SULT2B1: variants seen among roughly 807,000 people sequenced by gnomAD.
SULT2B1 encodes sulfotransferase family 2B member 1, also known as sulfotransferase 2B1.
A neutral mutation model predicts 33.2 loss-of-function variants in SULT2B1; 16 were observed. That is an observed-to-expected ratio of 0.48 (90% CI 0.33 to 0.73). The LOEUF (loss-of-function observed/expected upper bound fraction) is 0.73, where lower values mean the gene tolerates loss of function less well. SULT2B1 is among the 30% of genes least tolerant of loss of function. SULT2B1 has a pLI of 0.02. For missense variants in SULT2B1, 500 were observed against 506.0 expected, an observed-to-expected ratio of 0.99 and a Z score of 0.11; for synonymous variants, 186 against 200.5, an observed-to-expected ratio of 0.93 and a Z score of 0.61.
At chr19:48,566,622 G>T (rs1973246060) in intron 1 of SULT2B1, among the ~76,000 whole-genome samples, 2 of 152,078 alleles carry the variant, frequency 1.3e-5, no homozygotes, top group East Asian at 1.9e-4. Flanking sequence ...CGGGTGGATT[G>T]CTTGAGCTCG....
chr19:48,582,814 G>A (rs902027490), intron 2 of SULT2B1, among the ~76,000 whole-genome samples: 1 of 151,710 alleles, frequency 6.6e-6, no homozygotes, highest in Non-Finnish European at 1.5e-5. Flanking sequence ...ATGCACTCCA[G>A]TCTGGGCAAC....
intron 2 of SULT2B1, among the ~76,000 whole-genome samples, chr19:48,579,605 C>CTTTTTTTCTT (rs1973458627): frequency 1.3e-5 from 1 of 79,734 alleles, no homozygotes; most frequent in African/African-American, 5.0e-5. Context: ...TTCTTTCTTT[C>CTTTTTTTCTT]TTTTTTTTTT....
chr19:48,576,556 G>C (rs1193113079), intron 2 of SULT2B1, among the ~76,000 whole-genome samples: 1 of 149,304 alleles, frequency 6.7e-6, no homozygotes, highest in Non-Finnish European at 1.5e-5. Context: ...GGGGTGCAGT[G>C]GTGCAATATC....
intron 1 of SULT2B1, among the ~76,000 whole-genome samples, chr19:48,559,647 G>A (rs1813814895): frequency 6.6e-6 from 1 of 152,222 alleles, no homozygotes; most frequent in South Asian, 2.1e-4. Context: ...GTCTGGAGGA[G>A]GAACTGTGGG....
chr19:48,562,072 G>A (rs62130285), intron 1 of SULT2B1, among the ~76,000 whole-genome samples: 222 of 152,102 alleles, frequency 1.5e-3, no homozygotes, highest in Non-Finnish European at 2.3e-3. Flanking sequence ...CCAACATGGC[G>A]AAACCCTGTC....
intron 1 of SULT2B1, among the ~76,000 whole-genome samples, chr19:48,571,594 G>GAGAGTACTTT (rs1443662704): frequency 4.6e-5 from 7 of 151,326 alleles, no homozygotes; most frequent in Non-Finnish European, 8.8e-5. Context: ...AGGCTCTGCT[G>GAGAGTACTTT]AGAGTACTTT....
In SULT2B1 at chr19:48,574,268, A is replaced by ATTCC. The variant is rs950678072; in HGVS notation, c.72-1655_72-1652dup. Among the ~76,000 whole-genome samples, 19 of 149,832 alleles carry ATTCC rather than the reference A, an allele frequency of 1.3e-4. No individual in the cohort carries two copies. In the East Asian group the frequency reaches 1.9e-3, roughly 15 times the overall value. On this transcript the variant is annotated intron_variant, in intron 1 of 6. Coordinates refer to ENST00000201586, the MANE Select transcript of SULT2B1 (RefSeq NM_177973.2). ...TCCTTTTGTCCTGGTAAACCCCTTC[A>ATTCC]TTCCTTCCTTCCTTCCTTCCTACAC... is the stretch of plus-strand genomic sequence containing the variant.
rs1286947297 is a variant in SULT2B1, at chr19:48,552,658, A to G, written c.71+335A>G. On this transcript the variant is annotated intron_variant, in intron 1 of 6. Transcript: ENST00000201586. This position sits in a 1 kb window ranked among gnomAD's most constrained non-coding sequence, Gnocchi z 4.8. ...TGGAAGAGAGCAGGCAGCTTGGTGC[A>G]TAGTAGTTGCTCAGGAAACACAACA... Among the ~76,000 whole-genome samples the G allele has an allele frequency of 6.6e-6, 1 of 152,182 alleles. No individual in the cohort carries two copies.
chr19:48,564,918 G>A (rs1973226158), intron 1 of SULT2B1, among the ~76,000 whole-genome samples: 1 of 151,806 alleles, frequency 6.6e-6, no homozygotes, highest in Non-Finnish European at 1.5e-5. Context: ...AGCCTCCCGA[G>A]TAGCTGGGAC....
intron 1 of SULT2B1, among the ~76,000 whole-genome samples, chr19:48,570,687 T>G (rs995884256): frequency 2.0e-5 from 3 of 150,326 alleles, no homozygotes; most frequent in Non-Finnish European, 4.4e-5. Flanking sequence ...GAAGGGAGAG[T>G]GACTCTGGTT....
intron 1 of SULT2B1, among the ~76,000 whole-genome samples, chr19:48,564,325 G>A (rs942301949): frequency 6.6e-6 from 1 of 151,520 alleles, no homozygotes; most frequent in South Asian, 2.1e-4. Flanking sequence ...AGGCCGAGGC[G>A]GGCGGATCAC....
intron 1 of SULT2B1, among the ~76,000 whole-genome samples, chr19:48,557,952 A>G (rs560181363): frequency 6.6e-6 from 1 of 152,258 alleles, no homozygotes; most frequent in East Asian, 1.9e-4. Flanking sequence ...AATTAAAAAA[A>G]ATAAAATCGT....
chr19:48,595,606 G>T (rs1297682897), intron 5 of SULT2B1, among the ~76,000 whole-genome samples: 2 of 151,754 alleles, frequency 1.3e-5, no homozygotes, highest in Non-Finnish European at 2.9e-5. Flanking sequence ...GAAGGAGAGG[G>T]TGGGAAAGGT....
chr19:48,571,140 C>T (rs1973321013), intron 1 of SULT2B1, among the ~76,000 whole-genome samples: 1 of 152,046 alleles, frequency 6.6e-6, no homozygotes, highest in African/African-American at 2.4e-5. Context: ...CCCACCTCAG[C>T]TTCCTGAGCA....
At position 48,595,040 on chromosome 19, in the gene SULT2B1, T is replaced by C. The variant is rs993601197; in HGVS notation, c.646-1699T>C. Reference sequence around the variant, plus strand: ...TAGTCTCATTGTAATCCCAGCACTTTGGGAGGCCGAAGTGAGCAGATCACC... The same window carrying C: ...TAGTCTCATTGTAATCCCAGCACTTCGGGAGGCCGAAGTGAGCAGATCACC... On this transcript the variant is annotated intron_variant, in intron 5 of 6. Transcript: ENST00000201586. 2.0e-5 allele frequency among the ~76,000 whole-genome samples: 3 copies of C among 151,596 alleles called. No individual in the cohort carries two copies. The South Asian group carries it at 6.3e-4, about 32-fold the overall frequency.
chr19:48,596,909 C>T lies in SULT2B1; in HGVS notation c.816C>T (p.Phe272=). ...PSLLDHRRGA[F]LRKGVCGDWK... is the part of the protein sequence containing the mutation. ...TGCTGGACCACCGTCGCGGGGCCTT[C>T]CTCCGGAAAGGTGCGGGGGTTCTGG... Residue 272 remains phenylalanine (F), a synonymous_variant, in exon 6 of 7, where the codon TTC becomes TTT. Transcript: ENST00000201586. 2 of 1,594,818 alleles carry T rather than the reference C, an allele frequency of 1.3e-6. No homozygotes were observed. The highest frequency in any genetic ancestry group is 1.7e-6 in the Non-Finnish European group (2 of 1,175,486).
intron 6 of SULT2B1, among the ~76,000 whole-genome samples, chr19:48,597,337 CTTTTTTTTT>C (rs535736357): frequency 4.7e-5 from 5 of 106,906 alleles, no homozygotes; most frequent in South Asian, 3.1e-4. Context: ...CACGTTTACT[CTTTTTTTTT>C]TTTTTTTTTT....
chr19:48,574,125 G>T (rs1973369805), intron 1 of SULT2B1, among the ~76,000 whole-genome samples: 2 of 152,144 alleles, frequency 1.3e-5, no homozygotes, highest in African/African-American at 2.4e-5. Flanking sequence ...GCCTCCCAAA[G>T]TGCTGGGACT....
chr19:48,568,834 G>C lies in SULT2B1; in HGVS notation c.72-7107G>C, dbSNP rs564795139. Among the ~76,000 whole-genome samples, 341 of 152,080 alleles carry C rather than the reference G, an allele frequency of 2.2e-3. 2 individuals are homozygous for C. Among genetic ancestry groups the C allele is most frequent in the Non-Finnish European group, 4.1e-3 (278 of 67,980 alleles). ...TTCCTGGAAGGGTGGGCCGCTCAGG[G>C]CCCCCCAGCTCCAGTCCCACTCAGG... On this transcript the variant is annotated intron_variant, in intron 1 of 6. Coordinates refer to ENST00000201586, the MANE Select transcript of SULT2B1 (RefSeq NM_177973.2).
Sources: gnomAD v4.1 joint callset for allele counts (sites outside exome capture counted in the v4.1 genomes callset) on GRCh38, gnomAD v4.1.1 for gene constraint, Gnocchi (gnomAD v3.1) non-coding constraint, MANE v1.5 for transcripts, NCBI Gene and HGNC (gene_info 2026-07-23, HGNC 2026-07-21) for gene names.